The following TENM2 variants were observed in gnomAD, a reference collection of about 807,000 sequenced individuals.
TENM2 encodes the protein teneurin transmembrane protein 2, also known as teneurin-2.
TENM2 carries 52 observed loss-of-function variants against 245.2 expected under a neutral mutation model. The observed-to-expected ratio is 0.21, with a 90% CI of 0.17 to 0.27. TENM2 has a LOEUF of 0.27. TENM2 is among the 10% of genes least tolerant of loss of function. The pLI is 1.00. For missense variants in TENM2, 3,046 were observed against 3,666.8 expected (o/e 0.83, Z 4.37); for synonymous variants, 1,363 against 1,438.9 (o/e 0.95, Z 1.19).
intron 2 of TENM2, among the ~76,000 whole-genome samples, chr5:167,438,542 C>A (rs1764701410): frequency 6.6e-6 from 1 of 151,946 alleles, no homozygotes; most frequent in South Asian, 2.1e-4. Flanking sequence ...CAGGTGACTG[C>A]CACCACGCCT....
At chr5:166,995,814 CAAAAAAAA>C in the TENM2 span, among the ~76,000 whole-genome samples, 1 of 59,246 alleles carries the variant, frequency 1.7e-5, no homozygotes, top group African/African-American at 7.2e-5. Flanking sequence ...GACTCCATCT[CAAAAAAAA>C]AAAAAAAAAA....
In TENM2 at chr5:167,445,311, T is replaced by TTATATATATATATATATATATATATA. The variant is rs755614167; in HGVS notation, c.502+69839_502+69864dup. Among the ~76,000 whole-genome samples the TTATATATATATATATATATATATATA allele has an allele frequency of 5.7e-5, 4 of 69,984 alleles. No homozygotes were observed. The South Asian group carries it at 2.7e-3, about 47-fold the overall frequency. The allele number at this position is 69,984 out of a possible 152,430, so 45.9% of individuals were successfully genotyped here. On this transcript the variant is annotated intron_variant, in intron 2 of 28. Coordinates refer to ENST00000518659, the Ensembl canonical transcript of TENM2. ...GTCAGGCTTATTATAAACCATATGA[T>TTATATATATATATATATATATATATA]TATATATATATATATATATATATAT...
intron 2 of TENM2, among the ~76,000 whole-genome samples, chr5:167,441,715 A>G (rs1003387328): frequency 1.8e-4 from 28 of 152,186 alleles, no homozygotes; most frequent in African/African-American, 6.5e-4. Flanking sequence ...TCCCGCTTTC[A>G]TACGTATGTT....
intron 2 of TENM2, among the ~76,000 whole-genome samples, chr5:167,527,376 C>A (rs747361845): frequency 6.6e-6 from 1 of 152,032 alleles, no homozygotes; most frequent in Non-Finnish European, 1.5e-5. Flanking sequence ...AATATTTGAA[C>A]AACCAGAATT....
intron 6 of TENM2, among the ~76,000 whole-genome samples, chr5:168,052,659 A>G (rs1256731497): frequency 1.3e-5 from 2 of 151,972 alleles, no homozygotes; most frequent in Non-Finnish European, 2.9e-5. Flanking sequence ...CAAAGGGCCA[A>G]TGTGTACACC....
At chr5:166,995,733 T>C in the TENM2 span, among the ~76,000 whole-genome samples, 8 of 147,694 alleles carry the variant, frequency 5.4e-5, no homozygotes, top group African/African-American at 7.5e-5. Context: ...GGAGAATTGC[T>C]TGAGCCCAGG....
At chr5:168,251,804 T>C (rs939625779) in intron 27 of TENM2, among the ~76,000 whole-genome samples, 4 of 152,202 alleles carry the variant, frequency 2.6e-5, no homozygotes, top group African/African-American at 9.7e-5. Context: ...CAGAACTCTC[T>C]GAATGCAAGT....
intron 2 of TENM2, among the ~76,000 whole-genome samples, chr5:167,522,672 T>C (rs1562024451): frequency 6.6e-6 from 1 of 152,068 alleles, no homozygotes; most frequent in Non-Finnish European, 1.5e-5. Flanking sequence ...TAAGATAGCA[T>C]AGAGGAAAAA....
intron 15 of TENM2, among the ~76,000 whole-genome samples, chr5:168,197,577 G>A (rs180969211): frequency 3.8e-4 from 58 of 151,972 alleles, no homozygotes; most frequent in Admixed American, 3.6e-3. Context: ...GCAGGCGCCT[G>A]TAATTCCAGC....
At chr5:168,120,112 G>C (rs988008047) in intron 10 of TENM2, among the ~76,000 whole-genome samples, 1 of 152,146 alleles carries the variant, frequency 6.6e-6, no homozygotes, top group Non-Finnish European at 1.5e-5. Context: ...ATCGTTTTTA[G>C]AACTATGGCT....
At chr5:167,107,031 G>A in the TENM2 span, among the ~76,000 whole-genome samples, 11 of 150,046 alleles carry the variant, frequency 7.3e-5, no homozygotes, top group South Asian at 2.1e-4. Flanking sequence ...GATTGCCTGA[G>A]CTCAGGAGTT....
rs888959614 is a variant in TENM2 at position 167,482,256 on chromosome 5, C to A, written c.502+106783C>A. 2.0e-5 allele frequency among the ~76,000 whole-genome samples: 3 copies of A among 152,068 alleles called. No homozygotes were observed. The East Asian group carries it at 5.8e-4, about 29-fold the overall frequency. On this transcript the variant is annotated intron_variant, in intron 2 of 28. Coordinates refer to ENST00000518659, the Ensembl canonical transcript of TENM2. ...TTTAAATACTTGCATATGTTTGAAA[C>A]CTTACTCTAAAAACAATTTTCAATG...
At chr5:168,065,871 G>A (rs1181921396) in intron 7 of TENM2, among the ~76,000 whole-genome samples, 1 of 122,350 alleles carries the variant, frequency 8.2e-6, no homozygotes, top group Non-Finnish European at 1.8e-5. Flanking sequence ...TTTTTTTCTT[G>A]TTTATGCTAC....
intron 5 of TENM2, among the ~76,000 whole-genome samples, chr5:168,002,885 G>C (rs1029272724): frequency 3.3e-5 from 5 of 152,164 alleles, no homozygotes; most frequent in Non-Finnish European, 5.9e-5. Context: ...CTGCAGGCCA[G>C]CCTTAATATC....
intron 2 of TENM2, among the ~76,000 whole-genome samples, chr5:167,557,719 C>T (rs1422656489): frequency 4.6e-5 from 7 of 151,692 alleles, no homozygotes; most frequent in African/African-American, 1.7e-4. Flanking sequence ...TCTCTAGAGA[C>T]ATTCTTGATT....
At chr5:167,154,177 G>T in the TENM2 span, among the ~76,000 whole-genome samples, 21 of 152,184 alleles carry the variant, frequency 1.4e-4, no homozygotes, top group Admixed American at 3.9e-4. Context: ...GTCTGTTCTT[G>T]TGTATATGTA....
intron 13 of TENM2, among the ~76,000 whole-genome samples, chr5:168,166,555 A>G (rs1216905791): frequency 6.6e-6 from 1 of 152,164 alleles, no homozygotes; most frequent in African/African-American, 2.4e-5. Context: ...TTGATTCAAC[A>G]CAGAGTGCTA....
intron 3 of TENM2, among the ~76,000 whole-genome samples, chr5:167,911,255 G>A (rs189403628): frequency 6.6e-6 from 1 of 152,118 alleles, no homozygotes; most frequent in Non-Finnish European, 1.5e-5. Context: ...GGCCGGGCAC[G>A]GTGGCTCACG....
intron 6 of TENM2, among the ~76,000 whole-genome samples, chr5:168,057,875 G>A (rs903400380): frequency 6.6e-6 from 1 of 152,000 alleles, no homozygotes; most frequent in Non-Finnish European, 1.5e-5. Context: ...GTGGTGGGTA[G>A]CTGGAAAAAC....
Sources: allele counts gnomAD v4.1 joint callset (sites outside exome capture counted in the v4.1 genomes callset), GRCh38; gene constraint gnomAD v4.1.1; transcripts MANE v1.5; gene names NCBI Gene and HGNC (gene_info 2026-07-23, HGNC 2026-07-21).